Variants in CDH4 observed in about 807,000 individuals in gnomAD.
CDH4 encodes cadherin 4.
Under a neutral mutation model 86.0 loss-of-function variants are expected in CDH4, and 33 were observed. The ratio of observed to expected loss-of-function variants is 0.38; its 90% confidence interval spans 0.29 to 0.51. The LOEUF (loss-of-function observed/expected upper bound fraction) is 0.51. CDH4 is among the 20% of genes least tolerant of loss of function. The probability of loss-of-function intolerance (pLI) is 0.86; values close to 1 mark genes in which losing one functional copy is unlikely to be tolerated. For synonymous variants in CDH4, 555 were observed against 549.4 expected, an observed-to-expected ratio of 1.01 and a Z score of -0.14; for missense variants, 1,114 against 1,307.4, an observed-to-expected ratio of 0.85 and a Z score of 2.28.
At chr20:61,614,573 G>C (rs1298110897) in intron 2 of CDH4, among the ~76,000 whole-genome samples, 1 of 152,134 alleles carries the variant, frequency 6.6e-6, no homozygotes, top group African/African-American at 2.4e-5. Context: ...GCCCTTATCT[G>C]TGGAGTCTGC....
At chr20:61,848,552 G>C (rs915110401) in intron 5 of CDH4, among the ~76,000 whole-genome samples, 2 of 151,902 alleles carry the variant, frequency 1.3e-5, no homozygotes, top group Admixed American at 1.3e-4. Context: ...TTGAGACAGA[G>C]TCTGACTTCG....
At chr20:61,485,588 C>G (rs2085591681) in intron 2 of CDH4, among the ~76,000 whole-genome samples, 2 of 152,196 alleles carry the variant, frequency 1.3e-5, no homozygotes, top group Admixed American at 1.3e-4. Context: ...CCAAGGATTG[C>G]AGGGTACTGG....
At chr20:61,817,664 C>T (rs533219130) in intron 4 of CDH4, among the ~76,000 whole-genome samples, 118 of 152,270 alleles carry the variant, frequency 7.7e-4, no homozygotes, top group African/African-American at 2.7e-3. Context: ...CAGGTGTCTG[C>T]GCGTTCATCT....
At chr20:61,488,349 T>G (rs964570006) in intron 2 of CDH4, among the ~76,000 whole-genome samples, 1 of 152,230 alleles carries the variant, frequency 6.6e-6, no homozygotes, top group Admixed American at 6.5e-5. Context: ...TTTTAAAAGA[T>G]CATTCCACAA....
chr20:61,887,847 C>T, intron 7 of CDH4, among the ~76,000 whole-genome samples: 1 of 152,154 alleles, frequency 6.6e-6, no homozygotes, highest in Non-Finnish European at 1.5e-5. Context: ...GCAGCCACAG[C>T]CAAATAAACA....
chr20:61,253,971 G>A (rs912811988), intron 1 of CDH4, among the ~76,000 whole-genome samples: 4 of 152,198 alleles, frequency 2.6e-5, no homozygotes, highest in East Asian at 1.9e-4. Context: ...TGCACACACT[G>A]CCTCTCCCTC....
intron 4 of CDH4, among the ~76,000 whole-genome samples, chr20:61,794,417 G>T (rs1292554005): frequency 6.6e-6 from 1 of 152,176 alleles, no homozygotes; most frequent in East Asian, 1.9e-4. Context: ...CTGTGTTGAG[G>T]TCCTGGGGTG....
At chr20:61,285,577 C>T (rs1246222391) in intron 2 of CDH4, among the ~76,000 whole-genome samples, 2 of 152,208 alleles carry the variant, frequency 1.3e-5, no homozygotes, top group African/African-American at 4.8e-5. Flanking sequence ...ATAATGATGG[C>T]ACCATAATGA....
At chr20:61,721,137 CG>C (rs1169327045) in intron 2 of CDH4, among the ~76,000 whole-genome samples, 1 of 152,144 alleles carries the variant, frequency 6.6e-6, no homozygotes, top group Non-Finnish European at 1.5e-5. Context: ...TGACCTGAAG[CG>C]GGAGGTGAAT....
chr20:61,885,062 C>G (rs1743462275), intron 7 of CDH4, among the ~76,000 whole-genome samples: 1 of 152,100 alleles, frequency 6.6e-6, no homozygotes, highest in African/African-American at 2.4e-5. Context: ...GCTCGGTGAT[C>G]CATGCTAGAG....
intron 2 of CDH4, among the ~76,000 whole-genome samples, chr20:61,679,700 C>T (rs1307279762): frequency 1.3e-5 from 2 of 152,216 alleles, no homozygotes; most frequent in Non-Finnish European, 2.9e-5. Context: ...GTGCTGTGAG[C>T]ACGCCAAGGC....
At chr20:61,359,465 G>A (rs576062627) in intron 2 of CDH4, among the ~76,000 whole-genome samples, 11 of 152,300 alleles carry the variant, frequency 7.2e-5, no homozygotes, top group South Asian at 4.1e-4. Flanking sequence ...CACGCAGGCC[G>A]CCTGGACAGG....
intron 4 of CDH4, among the ~76,000 whole-genome samples, chr20:61,819,820 A>C (rs759697643): frequency 6.6e-6 from 1 of 152,298 alleles, no homozygotes; most frequent in South Asian, 2.1e-4. Flanking sequence ...GATGAAATGC[A>C]TATTCATTTA....
chr20:61,553,317 G>T (rs892654994), intron 2 of CDH4, among the ~76,000 whole-genome samples: 1 of 152,214 alleles, frequency 6.6e-6, no homozygotes, highest in Non-Finnish European at 1.5e-5. Flanking sequence ...ATGGGTGCAG[G>T]GTTTCTTTTG....
intron 2 of CDH4, among the ~76,000 whole-genome samples, chr20:61,565,059 C>G (rs1317486467): frequency 1.9e-4 from 11 of 58,762 alleles, no homozygotes; most frequent in African/African-American, 9.4e-4. Context: ...ACTGGTGGTG[C>G]TCTTGGTGGT....
intron 2 of CDH4, among the ~76,000 whole-genome samples, chr20:61,361,856 A>T (rs1206070514): frequency 6.6e-6 from 1 of 152,164 alleles, no homozygotes; most frequent in East Asian, 1.9e-4. Context: ...GCTTTCTCTC[A>T]TGCCCAAGTA....
intron 2 of CDH4, among the ~76,000 whole-genome samples, chr20:61,412,832 G>A (rs969451810): frequency 1.3e-5 from 2 of 152,120 alleles, no homozygotes; most frequent in African/African-American, 2.4e-5. Context: ...TCATATGATC[G>A]CCCTTTAAGC....
At chr20:61,718,448 G>C (rs2087989776) in intron 2 of CDH4, 1 of 247,304 alleles carries the variant, frequency 4.0e-6, no homozygotes, top group Non-Finnish European at 8.2e-6. Flanking sequence ...ACCCAACACA[G>C]AAGGAGGCAG....
At chr20:61,785,414 C>A (rs545777542) in intron 4 of CDH4, among the ~76,000 whole-genome samples, 1 of 152,316 alleles carries the variant, frequency 6.6e-6, no homozygotes, top group South Asian at 2.1e-4. Context: ...CTCAGTGAAT[C>A]GCTGCTGGAG....
Sources: allele counts gnomAD v4.1 joint callset (sites outside exome capture counted in the v4.1 genomes callset), GRCh38; gene constraint gnomAD v4.1.1; transcripts MANE v1.5; gene names NCBI Gene and HGNC (gene_info 2026-07-23, HGNC 2026-07-21).